PCDH11X: variants seen among roughly 807,000 people sequenced by gnomAD.
PCDH11X encodes the protein protocadherin-11 X-linked.
Under a neutral mutation model 53.3 loss-of-function variants are expected in PCDH11X, and 18 were observed. That is an observed-to-expected ratio of 0.34 (90% confidence interval 0.23 to 0.50). The LOEUF is 0.50. Among genes scored for constraint, PCDH11X ranks in the 20% least tolerant of loss-of-function variants. The pLI is 0.98. For synonymous variants in PCDH11X, 279 were observed against 393.3 expected (o/e 0.71, Z 3.44); for missense variants, 570 against 1,032.4 (o/e 0.55, Z 6.14).
chrX:92,356,448 A>G (rs1460974866), intron 8 of PCDH11X, among the ~76,000 whole-genome samples: 2 of 83,728 alleles, frequency 2.4e-5, no homozygotes, highest in Admixed American at 2.6e-4. Context: ...TATTTCCCCT[A>G]TATTTACAAC....
At chrX:92,012,634 A>C (rs986139705) in intron 6 of PCDH11X, among the ~76,000 whole-genome samples, 1 of 111,814 alleles carries the variant, frequency 8.9e-6, no homozygotes, top group African/African-American at 3.2e-5. Flanking sequence ...GCCTCACATT[A>C]TAAAATCTCC....
chrX:92,263,252 A>ATATGT, intron 8 of PCDH11X, 109 bp downstream of exon 8: 1 of 623,198 alleles, frequency 1.6e-6, no homozygotes, highest in Non-Finnish European at 2.4e-6. Context: ...TTAGGATAAC[A>ATATGT]TATGTTATGG....
chrX:92,086,009 A>G (rs2063944267), intron 6 of PCDH11X, among the ~76,000 whole-genome samples: 1 of 112,193 alleles, frequency 8.9e-6, no homozygotes, highest in Non-Finnish European at 1.9e-5. Context: ...ATTCACATTG[A>G]TTGCATGTTG....
At chrX:92,264,596 C>T (rs1006566640) in intron 8 of PCDH11X, among the ~76,000 whole-genome samples, 4 of 111,630 alleles carry the variant, frequency 3.6e-5, no homozygotes, top group Non-Finnish European at 5.6e-5. Flanking sequence ...TGTGTTCTAA[C>T]ATTCTTAACC....
At chrX:92,092,673 CAGAT>C (rs919795944) in intron 6 of PCDH11X, among the ~76,000 whole-genome samples, 27 of 111,684 alleles carry the variant, frequency 2.4e-4, no homozygotes, top group Non-Finnish European at 3.8e-4. Context: ...AGGAAACAAT[CAGAT>C]AGGCATTTGT....
chrX:92,476,361 C>T (rs1343895694), intron 10 of PCDH11X, among the ~76,000 whole-genome samples: 2 of 110,193 alleles, frequency 1.8e-5, no homozygotes, highest in Non-Finnish European at 3.8e-5. Context: ...ATGTTAATTG[C>T]ATTTTTCAGT....
chrX:91,819,923 T>C (rs1936593700), intron 4 of PCDH11X, among the ~76,000 whole-genome samples: 1 of 99,435 alleles, frequency 1.0e-5, no homozygotes, highest in Non-Finnish European at 2.0e-5. Context: ...TATGTGGTGT[T>C]TGGTTTTTTG....
chrX:92,558,188 A>ACTCAGTATTT (rs2075075218), intron 10 of PCDH11X, among the ~76,000 whole-genome samples: 1 of 109,707 alleles, frequency 9.1e-6, no homozygotes, highest in Non-Finnish European at 1.9e-5. Context: ...TTCACAGGTG[A>ACTCAGTATTT]CTCAGTATTT....
At chrX:91,938,240 A>C (rs2061467729) in intron 6 of PCDH11X, among the ~76,000 whole-genome samples, 1 of 110,394 alleles carries the variant, frequency 9.1e-6, no homozygotes, top group African/African-American at 3.3e-5. Context: ...GAACATTTTT[A>C]CATCTGTCCA....
Position 92,424,989 on chromosome X carries a change from G to A in PCDH11X, c.3343+37056G>A, listed in dbSNP as rs184307649. Among the ~76,000 whole-genome samples, 820 of 97,365 alleles carry A rather than the reference G, an allele frequency of 8.4e-3. 33 individuals carry two copies. Among genetic ancestry groups the A allele is most frequent in the African/African-American group, 0.026 (779 of 30,082 alleles). The allele number at this position is 97,365 out of a possible 115,157, so 84.5% of individuals were successfully genotyped here. ...GGCTTGAGACCCAAACCTTTGAGAA[G>A]CAGATGCTGGCTAACTGGTAGTGGT... On this transcript the variant is annotated intron_variant, in intron 9 of 10. Coordinates refer to ENST00000682573, the MANE Select transcript of PCDH11X (RefSeq NM_032968.5).
intron 6 of PCDH11X, among the ~76,000 whole-genome samples, chrX:91,923,187 G>A (rs1470062549): frequency 1.1e-4 from 11 of 101,303 alleles, no homozygotes; most frequent in Non-Finnish European, 2.0e-4. Flanking sequence ...AGAGATGTGT[G>A]TGGGTTCAAG....
chrX:92,276,205 T>A (rs1197228753), intron 8 of PCDH11X, among the ~76,000 whole-genome samples: 2 of 108,018 alleles, frequency 1.9e-5, no homozygotes, highest in Non-Finnish European at 3.8e-5. Flanking sequence ...AAGAAGGTAA[T>A]GTGGAGTGGG....
At chrX:92,452,463 G>GTGTATATATA (rs1415846958) in intron 9 of PCDH11X, among the ~76,000 whole-genome samples, 8 of 44,715 alleles carry the variant, frequency 1.8e-4, no homozygotes, top group East Asian at 9.7e-4. Context: ...GTGTGTGTGT[G>GTGTATATATA]TATATATATA....
At chrX:91,880,483 A>G (rs746408203) in intron 6 of PCDH11X, among the ~76,000 whole-genome samples, 35 of 111,625 alleles carry the variant, frequency 3.1e-4, no homozygotes, top group Middle Eastern at 4.6e-3. Flanking sequence ...AGTTTACCAT[A>G]ACTTTGGAAA....
chrX:91,833,409 GT>G (rs1192567781), intron 4 of PCDH11X, among the ~76,000 whole-genome samples: 1 of 109,415 alleles, frequency 9.1e-6, no homozygotes, highest in Non-Finnish European at 1.9e-5. Flanking sequence ...TTTTGAGCGA[GT>G]TTTTATATTA....
intron 6 of PCDH11X, among the ~76,000 whole-genome samples, chrX:92,142,933 C>T (rs996894491): frequency 1.8e-5 from 2 of 109,002 alleles, no homozygotes; most frequent in Non-Finnish European, 3.8e-5. Flanking sequence ...CACACACACA[C>T]ACACACATAT....
chrX:92,376,462 A>T (rs1402584964), intron 8 of PCDH11X, among the ~76,000 whole-genome samples: 6 of 112,190 alleles, frequency 5.3e-5, no homozygotes, highest in Non-Finnish European at 7.5e-5. Flanking sequence ...TTTCATTTTC[A>T]CGAAGCTACT....
At chrX:92,399,758 T>TA (rs2071340610) in intron 9 of PCDH11X, among the ~76,000 whole-genome samples, 1 of 109,360 alleles carries the variant, frequency 9.1e-6, no homozygotes, top group Non-Finnish European at 1.9e-5. Flanking sequence ...TTTATTTATT[T>TA]TGAAACGGAG....
intron 8 of PCDH11X, among the ~76,000 whole-genome samples, chrX:92,363,956 C>T (rs1376809817): frequency 9.0e-6 from 1 of 111,375 alleles, no homozygotes; most frequent in Non-Finnish European, 1.9e-5. Context: ...TGGTATAGTA[C>T]AGTCATTGAT....
Sources: gnomAD v4.1 joint callset for allele counts (sites outside exome capture counted in the v4.1 genomes callset) on GRCh38, gnomAD v4.1.1 for gene constraint, MANE v1.5 for transcripts, NCBI Gene and HGNC (gene_info 2026-07-23, HGNC 2026-07-21) for gene names.